The following TNNI3K variants were observed in gnomAD, a reference collection of about 807,000 sequenced individuals.
The protein encoded by TNNI3K is TNNI3 interacting kinase.
TNNI3K carries 140 observed loss-of-function variants against 114.5 expected under a neutral mutation model. That is an observed-to-expected ratio of 1.22 (90% CI 1.07 to 1.41). The LOEUF is 1.41. Ranked by LOEUF, TNNI3K falls within the 40% of genes most tolerant of loss-of-function variation. The probability of loss-of-function intolerance (pLI) is 0.00; values close to 1 mark genes in which losing one functional copy is unlikely to be tolerated. For synonymous variants in TNNI3K, 347 were observed against 347.5 expected (o/e 1.00, Z 0.02); for missense variants, 1,125 against 1,007.6 (o/e 1.12, Z -1.58).
intron 5 of TNNI3K, among the ~76,000 whole-genome samples, chr1:74,304,799 G>A (rs1036117641): frequency 2.0e-5 from 3 of 152,184 alleles, no homozygotes; most frequent in Middle Eastern, 6.8e-3. Flanking sequence ...AAATAATACT[G>A]TTCATACTTA....
intron 17 of TNNI3K, among the ~76,000 whole-genome samples, chr1:74,386,985 C>T (rs114100908): frequency 1.3e-5 from 2 of 152,198 alleles, no homozygotes; most frequent in Non-Finnish European, 2.9e-5. Context: ...TTTCAGAGAG[C>T]CATTTGTTTA....
At chr1:74,275,197 G>A (rs1381851543) in intron 5 of TNNI3K, among the ~76,000 whole-genome samples, 8 of 152,088 alleles carry the variant, frequency 5.3e-5, no homozygotes, top group African/African-American at 1.9e-4. Context: ...ACAAAAGAAC[G>A]AGATTTAACT....
At chr1:74,381,139 G>A (rs1030379000) in intron 17 of TNNI3K, among the ~76,000 whole-genome samples, 1 of 152,106 alleles carries the variant, frequency 6.6e-6, no homozygotes, top group African/African-American at 2.4e-5. Context: ...TTCTCTGGCT[G>A]GGACTACAGC....
At chr1:74,493,543 T>C (rs1352758577) in intron 23 of TNNI3K, among the ~76,000 whole-genome samples, 6 of 152,326 alleles carry the variant, frequency 3.9e-5, no homozygotes, top group African/African-American at 1.4e-4. Flanking sequence ...GAGAAATATA[T>C]CTGTCATATA....
At chr1:74,306,269 A>T (rs1046475119) in intron 5 of TNNI3K, among the ~76,000 whole-genome samples, 8 of 152,150 alleles carry the variant, frequency 5.3e-5, no homozygotes, top group African/African-American at 1.9e-4. Context: ...TTCTTTATCC[A>T]ATCCATCATT....
intron 23 of TNNI3K, among the ~76,000 whole-genome samples, chr1:74,539,218 G>A (rs1437770494): frequency 6.6e-6 from 1 of 152,052 alleles, no homozygotes; most frequent in Non-Finnish European, 1.5e-5. Context: ...GAAATGTGAG[G>A]GAAAGAAGCT....
chr1:74,470,162 G>C, intron 21 of TNNI3K: 1 of 400,678 alleles, frequency 2.5e-6, no homozygotes, highest in Non-Finnish European at 4.4e-6. Flanking sequence ...TCACTGCAAA[G>C]TATTCTATTT....
At chr1:74,332,040 G>A (rs1660230531) in intron 6 of TNNI3K, among the ~76,000 whole-genome samples, 1 of 151,942 alleles carries the variant, frequency 6.6e-6, no homozygotes, top group Non-Finnish European at 1.5e-5. Context: ...TTACTAATGT[G>A]CTTTATAATT....
intron 9 of TNNI3K, among the ~76,000 whole-genome samples, chr1:74,351,222 A>G (rs1393020759): frequency 1.3e-5 from 2 of 151,926 alleles, no homozygotes; most frequent in Admixed American, 1.3e-4. Flanking sequence ...TCCTTCACTT[A>G]TGAAGCTTAG....
At chr1:74,480,316 ATT>A in intron 21 of TNNI3K, 1 of 717,816 alleles carries the variant, frequency 1.4e-6, no homozygotes, top group Middle Eastern at 2.3e-4. Flanking sequence ...ATGGCTGGCA[ATT>A]TAGGTCCTTG....
intron 5 of TNNI3K, among the ~76,000 whole-genome samples, chr1:74,274,513 A>G (rs1378993889): frequency 6.6e-6 from 1 of 152,078 alleles, no homozygotes; most frequent in African/African-American, 2.4e-5. Flanking sequence ...ATATAGAAAT[A>G]TAGGAATGAT....
At chr1:74,358,364 C>T (rs1661771782) in intron 11 of TNNI3K, among the ~76,000 whole-genome samples, 1 of 152,002 alleles carries the variant, frequency 6.6e-6, no homozygotes, top group Admixed American at 6.6e-5. Context: ...GCTCCTGTAC[C>T]ATGATATATA....
intron 23 of TNNI3K, among the ~76,000 whole-genome samples, chr1:74,500,273 ATTGT>A (rs1437429114): frequency 6.6e-6 from 1 of 151,892 alleles, no homozygotes; most frequent in African/African-American, 2.4e-5. Context: ...TTAATGTTTC[ATTGT>A]TTGTTATGGT....
intron 23 of TNNI3K, among the ~76,000 whole-genome samples, chr1:74,521,530 A>G (rs776751345): frequency 6.6e-6 from 1 of 152,150 alleles, no homozygotes. Flanking sequence ...ATATATATAT[A>G]CACCTATATA....
At chr1:74,320,967 A>G (rs1346350869) in intron 5 of TNNI3K, among the ~76,000 whole-genome samples, 1 of 152,158 alleles carries the variant, frequency 6.6e-6, no homozygotes, top group Non-Finnish European at 1.5e-5. Context: ...GATAGGTGCA[A>G]TGTGAGGAGG....
intron 5 of TNNI3K, among the ~76,000 whole-genome samples, chr1:74,275,373 C>T (rs1170978461): frequency 6.6e-6 from 1 of 152,042 alleles, no homozygotes; most frequent in Non-Finnish European, 1.5e-5. Flanking sequence ...TTATTCACTG[C>T]CACGAGAACA....
chr1:74,297,371 C>A (rs1042087478), intron 5 of TNNI3K, among the ~76,000 whole-genome samples: 1 of 151,990 alleles, frequency 6.6e-6, no homozygotes, highest in African/African-American at 2.4e-5. Context: ...TTTGGGAGAC[C>A]GTAAGATCAT....
In TNNI3K at chr1:74,343,056, A is replaced by C. The variant is rs17095165; in HGVS notation, c.828-19A>C. The stretch of plus-strand genomic sequence containing the variant: ...TGTACTTGCTTACAATATTAACAAG[A>C]TATTTTCTTCAAATCTAGGGCATGC... On this transcript the variant is annotated intron_variant, in intron 8 of 24. Coordinates refer to ENST00000326637, the MANE Select transcript of TNNI3K (RefSeq NM_015978.3). The C allele has an allele frequency of 3.0e-3, 4,770 of 1,613,160 alleles. 144 individuals carry two copies. The African/African-American group carries it at 0.058, about 19-fold the overall frequency.
In TNNI3K at chr1:74,489,177, T is replaced by C. The variant is rs1335438741; in HGVS notation, c.2122-12T>C. ...ATTCTTAAGGGAAAAAAGTTCTTTTTTCTATTTACAGGGAAGACCCGAATT... is the reference window on the plus strand; with the variant it reads ...ATTCTTAAGGGAAAAAAGTTCTTTTCTCTATTTACAGGGAAGACCCGAATT... On this transcript the variant is annotated splice_polypyrimidine_tract_variant and intron_variant, in intron 21 of 24. Coordinates refer to ENST00000326637, the MANE Select transcript of TNNI3K (RefSeq NM_015978.3). 1 of 1,604,202 alleles carries C rather than the reference T, an allele frequency of 6.2e-7. No individual in the cohort carries two copies.
Sources: allele counts gnomAD v4.1 joint callset (sites outside exome capture counted in the v4.1 genomes callset), GRCh38; gene constraint gnomAD v4.1.1; transcripts MANE v1.5; gene names NCBI Gene and HGNC (gene_info 2026-07-23, HGNC 2026-07-21).